The following SEL1L2 variants were observed in gnomAD, a reference collection of about 807,000 sequenced individuals.
SEL1L2 encodes the protein SEL1L2 adaptor subunit of SYVN1 ubiquitin ligase.
Under a neutral mutation model 98.8 loss-of-function variants are expected in SEL1L2, and 89 were observed. The ratio of observed to expected loss-of-function variants is 0.90; its 90% CI spans 0.76 to 1.07. SEL1L2 has a LOEUF of 1.07. Ranked by LOEUF, SEL1L2 falls within the 50% of genes least tolerant of loss-of-function variation. The pLI, the probability that SEL1L2 is intolerant of heterozygous loss-of-function variation, is 0.00. For missense variants in SEL1L2, 788 were observed against 812.0 expected (o/e 0.97, Z 0.36); for synonymous variants, 262 against 278.5 (o/e 0.94, Z 0.59).
At chr20:13,984,295 A>G (rs1199005376) in intron 1 of SEL1L2, among the ~76,000 whole-genome samples, 1 of 152,182 alleles carries the variant, frequency 6.6e-6, no homozygotes, top group African/African-American at 2.4e-5. Flanking sequence ...TTCAGGTGTG[A>G]GCCACCGCAC....
intron 10 of SEL1L2, among the ~76,000 whole-genome samples, chr20:13,883,799 C>G (rs989037551): frequency 6.6e-6 from 1 of 152,208 alleles, no homozygotes; most frequent in Non-Finnish European, 1.5e-5. Flanking sequence ...TTCCCTACAG[C>G]TGAAGCTAGG....
chr20:13,912,292 ATTTTTTTTTT>A (rs11478603), intron 5 of SEL1L2, among the ~76,000 whole-genome samples: 29 of 111,330 alleles, frequency 2.6e-4, no homozygotes, highest in African/African-American at 8.2e-4. Flanking sequence ...TTTCTGTGGG[ATTTTTTTTTT>A]TTTTTTTTTT....
chr20:13,858,155 C>T (rs570538831), intron 18 of SEL1L2, among the ~76,000 whole-genome samples: 9 of 152,174 alleles, frequency 5.9e-5, no homozygotes, highest in Admixed American at 1.3e-4. Context: ...GGATCCATAC[C>T]GCTGAATAAG....
chr20:13,960,152 C>T (rs2050714277), intron 1 of SEL1L2, among the ~76,000 whole-genome samples: 1 of 151,952 alleles, frequency 6.6e-6, no homozygotes, highest in Non-Finnish European at 1.5e-5. Flanking sequence ...GGTAGATTCC[C>T]ATTATTATAT....
chr20:13,937,801 G>A (rs1350376375), intron 2 of SEL1L2, among the ~76,000 whole-genome samples: 1 of 152,176 alleles, frequency 6.6e-6, no homozygotes, highest in Non-Finnish European at 1.5e-5. Context: ...ATGAATATGT[G>A]AGTTTCTTTA....
chr20:13,900,421 C>G (rs1161568468), intron 5 of SEL1L2, among the ~76,000 whole-genome samples: 1 of 152,090 alleles, frequency 6.6e-6, no homozygotes, highest in Non-Finnish European at 1.5e-5. Context: ...TTCTGGTACA[C>G]ACTGAAAAAG....
intron 4 of SEL1L2, among the ~76,000 whole-genome samples, chr20:13,916,475 GC>G (rs1417762678): frequency 6.6e-6 from 1 of 152,132 alleles, no homozygotes; most frequent in Non-Finnish European, 1.5e-5. Flanking sequence ...CTTTCTATGA[GC>G]CCATTAGAGT....
chr20:13,926,337 TA>T (rs2048904872), intron 3 of SEL1L2, among the ~76,000 whole-genome samples: 1 of 151,536 alleles, frequency 6.6e-6, no homozygotes, highest in African/African-American at 2.4e-5. Flanking sequence ...ATTAAATAAA[TA>T]AAAAATTCAA....
chr20:13,874,127 A>G (rs1473541139), intron 12 of SEL1L2, among the ~76,000 whole-genome samples: 6 of 152,190 alleles, frequency 3.9e-5, no homozygotes, highest in African/African-American at 1.4e-4. Flanking sequence ...GACGGGCCTG[A>G]CATGCTCAGG....
intron 2 of SEL1L2, among the ~76,000 whole-genome samples, chr20:13,949,060 A>G (rs1005522032): frequency 6.6e-5 from 10 of 152,232 alleles, no homozygotes; most frequent in African/African-American, 2.4e-4. Flanking sequence ...TTACATCAAA[A>G]TTTAAAACTC....
At chr20:13,970,700 C>A (rs143078806) in intron 1 of SEL1L2, among the ~76,000 whole-genome samples, 1 of 152,014 alleles carries the variant, frequency 6.6e-6, no homozygotes, top group African/African-American at 2.4e-5. Flanking sequence ...AGCGTGGTGG[C>A]AGGTGCCTGT....
intron 3 of SEL1L2, among the ~76,000 whole-genome samples, chr20:13,922,159 T>C (rs2048692862): frequency 1.3e-5 from 2 of 152,222 alleles, no homozygotes; most frequent in African/African-American, 4.8e-5. Flanking sequence ...TGCATTATTA[T>C]ATAATTAATA....
chr20:13,914,591 T>C (rs1451976978), intron 4 of SEL1L2, among the ~76,000 whole-genome samples: 2 of 152,224 alleles, frequency 1.3e-5, no homozygotes, highest in African/African-American at 4.8e-5. Flanking sequence ...CCAAGTTATA[T>C]AACTTTTCTG....
At chr20:13,878,775 T>C (rs1021053398) in intron 10 of SEL1L2, among the ~76,000 whole-genome samples, 4 of 152,222 alleles carry the variant, frequency 2.6e-5, no homozygotes, top group Admixed American at 1.3e-4. Context: ...TATAGGATAG[T>C]ATGTTACGTA....
intron 3 of SEL1L2, 69 bp from the exon 4 acceptor site, chr20:13,919,192 T>A: frequency 1.0e-6 from 1 of 959,994 alleles, no homozygotes; most frequent in Non-Finnish European, 1.6e-6. Context: ...AATAATGTGC[T>A]AAAGTAATTT....
chr20:13,917,084 A>G (rs2048437378), intron 4 of SEL1L2, among the ~76,000 whole-genome samples: 1 of 152,042 alleles, frequency 6.6e-6, no homozygotes, highest in South Asian at 2.1e-4. Context: ...TTGATGTAAC[A>G]CACCTAGTTG....
chr20:13,882,144 T>C (rs2046732256), intron 10 of SEL1L2, among the ~76,000 whole-genome samples: 2 of 152,120 alleles, frequency 1.3e-5, no homozygotes, highest in African/African-American at 2.4e-5. Flanking sequence ...AAGAAAACAT[T>C]ATCCTGTCTG....
chr20:13,928,161 A>T (rs1193904142), intron 3 of SEL1L2: 1 of 152,186 alleles, frequency 6.6e-6, no homozygotes, highest in South Asian at 2.1e-4. Context: ...GCCAATCACC[A>T]TCTTTCTTGC....
Position 13,849,439 on chromosome 20 carries a change from T to C in SEL1L2, c.*46A>G. On this transcript the variant is annotated 3_prime_UTR_variant, in exon 20 of 20. Coordinates refer to ENST00000284951, the MANE Select transcript of SEL1L2 (RefSeq NM_025229.2). The stretch of plus-strand genomic sequence containing the variant: ...AACTGTTTATTTAGTGGGGATACCT[T>C]GGAGTGAACTGATTCCCGTGAGCAG... The C allele has an allele frequency of 6.2e-7, 1 of 1,605,672 alleles. No individual in the cohort carries two copies. Among genetic ancestry groups the C allele is most frequent in the Non-Finnish European group, 8.5e-7 (1 of 1,175,146 alleles).
Sources: allele counts gnomAD v4.1 joint callset (sites outside exome capture counted in the v4.1 genomes callset), GRCh38; gene constraint gnomAD v4.1.1; transcripts MANE v1.5; gene names NCBI Gene and HGNC (gene_info 2026-07-23, HGNC 2026-07-21).